Variants in RSRP1 observed in about 807,000 individuals in gnomAD.
The protein encoded by RSRP1 is arginine and serine rich protein 1, also known as arginine/serine-rich protein 1.
RSRP1 carries 37 observed loss-of-function variants against 33.0 expected under a neutral mutation model. That is an observed-to-expected ratio of 1.12 (90% CI 0.86 to 1.48). RSRP1 has a LOEUF of 1.48. Ranked by LOEUF, RSRP1 falls within the 40% of genes most tolerant of loss-of-function variation. The pLI is 0.00. For missense variants in RSRP1, 402 were observed against 385.3 expected (o/e 1.04, Z -0.36); for synonymous variants, 167 against 158.7 (o/e 1.05, Z -0.40).
At position 25,280,253 on chromosome 1, in the gene RSRP1, G is replaced by A. The variant is rs1208188983; in HGVS notation, c.-66-33224C>T. On this transcript the variant is annotated intron_variant, in intron 1 of 1. Transcript: ENST00000561867. Reference sequence around the variant, plus strand: ...CTGGAATCAGGGAATCGGGATCAGGGGCAGCAGCTGTGCCCAATAAAGCCC... The same window carrying A: ...CTGGAATCAGGGAATCGGGATCAGGAGCAGCAGCTGTGCCCAATAAAGCCC... 3.9e-5 allele frequency among the ~76,000 whole-genome samples: 5 copies of A among 127,812 alleles called. 2 individuals are homozygous for A. Among genetic ancestry groups the A allele is most frequent in the Non-Finnish European group, 9.2e-5 (5 of 54,602 alleles). 83.8% of individuals were successfully genotyped at this position (127,812 alleles called of 152,430 possible).
intron 2 of RSRP1, among the ~76,000 whole-genome samples, 190 bp downstream of exon 2, chr1:25,246,254 C>T (rs1639379918): frequency 6.6e-6 from 1 of 152,196 alleles, no homozygotes; most frequent in Non-Finnish European, 1.5e-5. Flanking sequence ...ATTTAACATC[C>T]AGTTGACCTT....
intron 1 of RSRP1, among the ~76,000 whole-genome samples, chr1:25,279,037 G>C (rs1194455666): frequency 7.7e-6 from 1 of 130,016 alleles, no homozygotes; most frequent in East Asian, 2.0e-4. Flanking sequence ...CAGAAGGAGG[G>C]GCAAGAGTGG....
At chr1:25,245,427 A>G (rs1444391723) in intron 2 of RSRP1, 126 bp from the exon 3 acceptor site, 9 of 1,307,148 alleles carry the variant, frequency 6.9e-6, no homozygotes, top group African/African-American at 1.5e-5. Context: ...CTTGTTTTAT[A>G]ATAGGTAAAC....
Position 25,282,486 on chromosome 1 carries a change from T to A in RSRP1, c.-66-35457A>T, listed in dbSNP as rs576450243. On this transcript the variant is annotated intron_variant, in intron 1 of 1. Coordinates refer to the RSRP1 transcript ENST00000561867. Reference sequence around the variant, plus strand: ...CTGACTTCATGATCTGCCCACCTCATCCTCCTAAATTGGTATCTTTATATG... The same window carrying A: ...CTGACTTCATGATCTGCCCACCTCAACCTCCTAAATTGGTATCTTTATATG... Among the ~76,000 whole-genome samples, 33 of 131,758 alleles carry A rather than the reference T, an allele frequency of 2.5e-4. 2 individuals are homozygous for A. The East Asian group carries it at 5.7e-3, about 23-fold the overall frequency. The allele number at this position is 131,758 out of a possible 152,430, so 86.4% of individuals were successfully genotyped here.
chr1:25,276,188 GTTGTTT>G (rs1251096473), intron 1 of RSRP1, among the ~76,000 whole-genome samples: 1 of 130,876 alleles, frequency 7.6e-6, no homozygotes, highest in African/African-American at 2.6e-5. Flanking sequence ...AGCATGGTGG[GTTGTTT>G]TTGTTTTTGT....
At position 25,271,891 on chromosome 1, in the gene RSRP1, C is replaced by A. The variant is rs181829240; in HGVS notation, c.-66-24862G>T. ...GTTTTTACTAGAGCCAAACCCACATCTCCTTTCTCTTCTGCCACCCCCCCT... is the reference window on the plus strand; with the variant it reads ...GTTTTTACTAGAGCCAAACCCACATATCCTTTCTCTTCTGCCACCCCCCCT... On this transcript the variant is annotated intron_variant, in intron 1 of 1. Coordinates refer to the RSRP1 transcript ENST00000561867. 5.8e-3 allele frequency among the ~76,000 whole-genome samples: 762 copies of A among 131,648 alleles called. 203 individuals carry two copies. The highest frequency in any genetic ancestry group is 0.01 in the Non-Finnish European group (554 of 55,380). The allele number at this position is 131,648 out of a possible 152,430, so 86.4% of individuals were successfully genotyped here. A position where few individuals can be genotyped will look rare whatever the true frequency, so the allele number is the denominator to read the frequency against.
At chr1:25,250,327 T>C (rs1163618181), upstream of RSRP1, among the ~76,000 whole-genome samples, 1 of 152,084 alleles carries the variant, frequency 6.6e-6, no homozygotes. Context: ...TGGAGTCAGC[T>C]TGCACTAGTT....
chr1:25,263,806 T>C (rs1011610078), intron 1 of RSRP1, among the ~76,000 whole-genome samples: 3 of 152,108 alleles, frequency 2.0e-5, no homozygotes, highest in African/African-American at 4.8e-5. Flanking sequence ...GTCCTTTCCA[T>C]TTATGAGCCT....
upstream of RSRP1, among the ~76,000 whole-genome samples, chr1:25,249,366 C>T (rs910411936): frequency 6.6e-6 from 1 of 151,850 alleles, no homozygotes; most frequent in Non-Finnish European, 1.5e-5. Flanking sequence ...TTAAGACAGT[C>T]TCGCTTTGGC....
Position 25,267,895 on chromosome 1 carries a change from A to G in RSRP1, c.-66-20866T>C, listed in dbSNP as rs1315166205. The G allele has an allele frequency of 2.3e-5, 3 of 131,868 alleles. 1 individual carries two copies. The highest frequency in any genetic ancestry group is 7.8e-5 in the African/African-American group (3 of 38,620). The allele number at this position is 131,868 out of a possible 1,614,324, so 8.2% of individuals were successfully genotyped here. A position where few individuals can be genotyped will look rare whatever the true frequency, so the allele number is the denominator to read the frequency against. Reference sequence around the variant, plus strand: ...AGAGCGGCGGAAAGCCCCTGAACCCAGCGCCCGGGCATGCGCAGACGCGTT... The same window carrying G: ...AGAGCGGCGGAAAGCCCCTGAACCCGGCGCCCGGGCATGCGCAGACGCGTT... On this transcript the variant is annotated intron_variant, in intron 1 of 1. Coordinates refer to the RSRP1 transcript ENST00000561867.
rs1202707729 is a variant in RSRP1, at chr1:25,246,749, C to T, written c.215G>A (p.Arg72Gln). ...SRSRSRRRHQ[R>Q]KYRRYSRSYS... Reference sequence around the variant, plus strand: ...TGACCGCGAGTAGCGCCTGTACTTCCGCTGGTGGCGCCTTCGGGAACGGGA... The same window carrying T: ...TGACCGCGAGTAGCGCCTGTACTTCTGCTGGTGGCGCCTTCGGGAACGGGA... The change falls in exon 2 of 5, where the codon CGG becomes CAG. Residue 72 changes from arginine (R) to glutamine (Q), a missense_variant. Coordinates refer to ENST00000243189, the MANE Select transcript of RSRP1 (RefSeq NM_020317.5). 6 of 1,609,148 alleles carry T rather than the reference C, an allele frequency of 3.7e-6. No individual in the cohort carries two copies. Among genetic ancestry groups the T allele is most frequent in the East Asian group, 2.2e-5 (1 of 44,766 alleles).
At position 25,330,637 on chromosome 1, in the gene RSRP1, C is replaced by G. The variant is rs1400739851; in HGVS notation, c.-67+7341G>C. 5.3e-5 allele frequency among the ~76,000 whole-genome samples: 7 copies of G among 131,726 alleles called. 1 individual carries two copies. The highest frequency in any genetic ancestry group is 7.4e-5 in the Admixed American group (1 of 13,484). 86.4% of individuals were successfully genotyped at this position (131,726 alleles called of 152,430 possible). ...AACAGAAGGAATTTGAAGCCACCCTCCAAACACAGGGGAAGGAGGCTGTGT... is the reference window on the plus strand; with the variant it reads ...AACAGAAGGAATTTGAAGCCACCCTGCAAACACAGGGGAAGGAGGCTGTGT... On this transcript the variant is annotated intron_variant, in intron 1 of 1. Coordinates refer to the RSRP1 transcript ENST00000561867.
chr1:25,243,722 A>T (rs962522523), intron 3 of RSRP1, 89 bp from the exon 4 acceptor site: 147 of 1,526,104 alleles, frequency 9.6e-5, no homozygotes, highest in Non-Finnish European at 1.3e-4. Context: ...TGTAAACAAA[A>T]TTTAGCTGTA....
rs1306787562 is a variant in RSRP1, at chr1:25,291,748, T to C, written c.-66-44719A>G. On this transcript the variant is annotated intron_variant, in intron 1 of 1. Coordinates refer to the RSRP1 transcript ENST00000561867. ...GTCAGTAACTGCATATGTCCTCTCA[T>C]TGGGAGAGCCTGTCGAAAGTCTAAA... 1.5e-5 allele frequency among the ~76,000 whole-genome samples: 2 copies of C among 132,586 alleles called. 1 individual carries two copies. The highest frequency in any genetic ancestry group is 3.6e-5 in the Non-Finnish European group (2 of 55,930). 87.0% of individuals were successfully genotyped at this position (132,586 alleles called of 152,430 possible).
rs1308999175 is a variant in RSRP1 at position 25,299,641 on chromosome 1, G to A, written c.-67+38337C>T. Among the ~76,000 whole-genome samples the A allele has an allele frequency of 4.6e-5, 6 of 130,814 alleles. 1 individual carries two copies. In the East Asian group the frequency reaches 1.2e-3, roughly 26 times the overall value. 85.8% of individuals were successfully genotyped at this position (130,814 alleles called of 152,430 possible). A position where few individuals can be genotyped will look rare whatever the true frequency, so the allele number is the denominator to read the frequency against. On this transcript the variant is annotated intron_variant, in intron 1 of 1. Coordinates refer to the RSRP1 transcript ENST00000561867. ...TAGGAGGTGACGCCCGAGAGGTCAG[G>A]TGAGAGTGGATCCTGCAGGGTCGTG...
intron 1 of RSRP1, among the ~76,000 whole-genome samples, chr1:25,286,944 T>C (rs1642069981): frequency 7.5e-6 from 1 of 133,176 alleles, no homozygotes; most frequent in Non-Finnish European, 1.8e-5. Flanking sequence ...AACACAAAAA[T>C]TAGCTGGGTG....
intron 1 of RSRP1, chr1:25,307,083 A>G (rs1643889957): frequency 3.1e-6 from 1 of 326,364 alleles, no homozygotes. Flanking sequence ...CCCACTGCGT[A>G]CTAGCTGGGC....
chr1:25,263,831 A>C (rs980547504), intron 1 of RSRP1, among the ~76,000 whole-genome samples: 18 of 152,126 alleles, frequency 1.2e-4, no homozygotes, highest in Non-Finnish European at 1.5e-4. Flanking sequence ...AATCCAAAGC[A>C]AGTTAGTTAC....
chr1:25,290,593 G>C (rs778208299), intron 1 of RSRP1: 3 of 1,264,942 alleles, frequency 2.4e-6, no homozygotes, highest in East Asian at 2.2e-5. Context: ...GAATGAGTGA[G>C]AGGCATCCTT....
Sources: allele counts gnomAD v4.1 joint callset (sites outside exome capture counted in the v4.1 genomes callset), GRCh38; gene constraint gnomAD v4.1.1; transcripts MANE v1.5; gene names NCBI Gene and HGNC (gene_info 2026-07-23, HGNC 2026-07-21).